The following CLIC3 variants were observed in gnomAD, a reference collection of about 807,000 sequenced individuals.
CLIC3 encodes the protein chloride intracellular channel protein 3.
CLIC3 carries 29 observed loss-of-function variants against 19.9 expected under a neutral mutation model. That is an observed-to-expected ratio of 1.46 (90% CI 1.09 to 1.99). CLIC3 has a LOEUF of 1.99. Among genes scored for constraint, CLIC3 ranks in the 30% most tolerant of loss-of-function variants. CLIC3 has a pLI of 0.00. For synonymous variants in CLIC3, 143 were observed against 156.4 expected (o/e 0.91, Z 0.64); for missense variants, 365 against 342.6 (o/e 1.07, Z -0.52).
intron 5 of CLIC3, 24 bp downstream of exon 5, chr9:136,994,906 C>T: frequency 2.0e-6 from 3 of 1,473,030 alleles, no homozygotes; most frequent in South Asian, 2.7e-5. Flanking sequence ...GTCACCCTCC[C>T]GCCCGCCCAC....
At chr9:136,995,932 G>C (rs1830698950) in intron 1 of CLIC3, among the ~76,000 whole-genome samples, 175 bp from the exon 2 acceptor site, 1 of 152,214 alleles carries the variant, frequency 6.6e-6, no homozygotes, top group African/African-American at 2.4e-5. Flanking sequence ...TTGGTCCCCA[G>C]AACGTGGGGA....
Position 136,995,773 on chromosome 9 carries a change from G to C in CLIC3, c.34-16C>G, listed in dbSNP as rs368301000. The stretch of plus-strand genomic sequence containing the variant: ...CCTCACTCGCCTGGGTGGGTGGAGC[G>C]GGGGTGGGGGGTCAGGGCTGGAAGC... On this transcript the variant is annotated splice_polypyrimidine_tract_variant and intron_variant, in intron 1 of 5. Transcript: ENST00000494426. 2.0e-6 allele frequency: 3 copies of C among 1,499,026 alleles called. No homozygotes were observed. Among genetic ancestry groups the C allele is most frequent in the Non-Finnish European group, 2.7e-6 (3 of 1,106,104 alleles). The allele number at this position is 1,499,026 out of a possible 1,614,324, so 92.9% of individuals were successfully genotyped here.
In CLIC3 at chr9:136,996,421, G is replaced by T. The variant is rs545096923; in HGVS notation, c.33+90C>A. On this transcript the variant is annotated intron_variant, in intron 1 of 5. Transcript: ENST00000494426. ...CAGGAAGGGGCTCAGACATTACTGG[G>T]AGGCCCACCCCACAGCCTGCCACAG... 2.2e-5 allele frequency: 27 copies of T among 1,221,996 alleles called. No homozygotes were observed. The African/African-American group carries it at 3.6e-4, about 16-fold the overall frequency. 75.7% of individuals were successfully genotyped at this position (1,221,996 alleles called of 1,614,324 possible). A position where few individuals can be genotyped will look rare whatever the true frequency, so the allele number is the denominator to read the frequency against.
chr9:136,994,782 G>A lies in CLIC3; in HGVS notation c.610C>T (p.Arg204Cys), dbSNP rs900063658. ...PIPAELRGVRRYLDSAMQEKE... is the reference protein window; with the variant it reads ...PIPAELRGVRCYLDSAMQEKE... ...TCCTGCATCGCGCTGTCCAGGTAGC[G>A]GCGTACGCCGCGCAGCTCCGCGGGG... Residue 204 changes from arginine (R) to cysteine (C), a missense_variant, in exon 6 of 6, where the codon CGC (arginine) becomes TGC (cysteine). Transcript: ENST00000494426. 6.3e-7 allele frequency: 1 copy of A among 1,596,288 alleles called. No individual in the cohort carries two copies. The highest frequency in any genetic ancestry group is 1.1e-5 in the South Asian group (1 of 88,624).
chr9:136,995,145 G>A, intron 4 of CLIC3, 40 bp from the exon 5 acceptor site: 2 of 1,590,120 alleles, frequency 1.3e-6, no homozygotes, highest in Non-Finnish European at 1.7e-6. Flanking sequence ...GGCCCAGGGC[G>A]CCCTCCCGCC....
rs749223050 is a variant in CLIC3, at chr9:136,996,559, G to A, written c.-16C>T. ...TCTCCGCCATGGTGGGAGCTGCCGC[G>A]GTCAGGCGCGGGTGGGGACCTGGGG... On this transcript the variant is annotated 5_prime_UTR_variant, in exon 1 of 6. Coordinates refer to ENST00000494426, the MANE Select transcript of CLIC3 (RefSeq NM_004669.3). 1.4e-5 allele frequency: 21 copies of A among 1,552,122 alleles called. No individual in the cohort carries two copies. The highest frequency in any genetic ancestry group is 3.3e-4 in the Middle Eastern group (2 of 6,006).
chr9:136,995,651 C>G lies in CLIC3; in HGVS notation c.140G>C (p.Arg47Pro), dbSNP rs933344805. ...GGTCCACAGGATGGGGCCTCACCTG[C>G]GCGTGTCCACCGTGGTGAGGGTGAA... ...VPFTLTTVDTRRSPDVLKDFA... is the reference protein window; with the variant it reads ...VPFTLTTVDTPRSPDVLKDFA... The change falls in exon 2 of 6, where the codon CGC (arginine) becomes CCC (proline). Residue 47 changes from arginine to proline, a missense_variant. By Grantham distance (103) the Arg-to-Pro change is moderately radical. Coordinates refer to ENST00000494426, the MANE Select transcript of CLIC3 (RefSeq NM_004669.3). 1.9e-6 allele frequency: 3 copies of G among 1,610,288 alleles called. No homozygotes were observed. The Middle Eastern group carries it at 5.0e-4, about 268-fold the overall frequency.
Position 136,994,846 on chromosome 9 carries a change from G to C in CLIC3, c.553-7C>G. On this transcript the variant is annotated splice_polypyrimidine_tract_variant and splice_region_variant and intron_variant, in intron 5 of 5. Coordinates refer to ENST00000494426, the MANE Select transcript of CLIC3 (RefSeq NM_004669.3). ...GGAAGTGCGCGCACACCGTCTGCGG[G>C]CAGGATCGCGGGGCGCGGTCAGGAC... 1.3e-6 allele frequency: 2 copies of C among 1,543,310 alleles called. No homozygotes were observed. The highest frequency in any genetic ancestry group is 1.7e-6 in the Non-Finnish European group (2 of 1,146,616).
rs1048965874 is a variant in CLIC3 at position 136,995,309 on chromosome 9, TG to T, written c.270-18del. ...CTGGGGAAGCTGCGGGATGAGGGGG[TG>T]GGACTCCATTAGACTGGGGGCAGCC... On this transcript the variant is annotated intron_variant, in intron 3 of 5. Coordinates refer to ENST00000494426, the MANE Select transcript of CLIC3 (RefSeq NM_004669.3). The T allele has an allele frequency of 1.2e-6, 2 of 1,609,490 alleles. No individual in the cohort carries two copies. The highest frequency in any genetic ancestry group is 1.3e-5 in the African/African-American group (1 of 74,666).
rs1588496117 is a variant in CLIC3 at position 136,994,626 on chromosome 9, C to T, written c.*55G>A. 1 of 1,556,742 alleles carries T rather than the reference C, an allele frequency of 6.4e-7. No individual in the cohort carries two copies. The highest frequency in any genetic ancestry group is 1.4e-5 in the African/African-American group (1 of 72,978). ...ACCTCTGGCCCTTCAGATGTCAGGA[C>T]ACCCTCACTCCCGACAAAGATGCCT... On this transcript the variant is annotated 3_prime_UTR_variant, in exon 6 of 6. Coordinates refer to ENST00000494426, the MANE Select transcript of CLIC3 (RefSeq NM_004669.3).
rs749193286 is a variant in CLIC3, at chr9:136,995,024, T to TCCC, written c.455_457dup (p.Gly152dup). ...GCGGCGGGACTCGCGCAGCTGCGGC[T>TCCC]CCCCCGCCAGCTCGTGCTCCAGGGG... On this transcript the variant is annotated inframe_insertion, in exon 5 of 6. Transcript: ENST00000494426. 6.0e-6 allele frequency: 9 copies of TCCC among 1,507,348 alleles called. No individual in the cohort carries two copies. In the Admixed American group the frequency reaches 1.9e-4, roughly 32 times the overall value. 93.4% of individuals were successfully genotyped at this position (1,507,348 alleles called of 1,614,324 possible). A position where few individuals can be genotyped will look rare whatever the true frequency, so the allele number is the denominator to read the frequency against.
At position 136,994,947 on chromosome 9, in the gene CLIC3, T is replaced by TG; in HGVS notation, c.534dup (p.Lys179GlnfsTer69). 2 of 1,491,578 alleles carry TG rather than the reference T, an allele frequency of 1.3e-6. No homozygotes were observed. Among genetic ancestry groups the TG allele is most frequent in the Non-Finnish European group, 1.8e-6 (2 of 1,127,184 alleles). The allele number at this position is 1,491,578 out of a possible 1,614,324, so 92.4% of individuals were successfully genotyped here. A position where few individuals can be genotyped will look rare whatever the true frequency, so the allele number is the denominator to read the frequency against. On this transcript the variant is annotated frameshift_variant, in exon 5 of 6. Transcript: ENST00000494426. LOFTEE classifies it low-confidence loss of function (END_TRUNC). Reference sequence around the variant, plus strand: ...GTGCTCACGTCGACGATGTGCAGCTTGGGCAGGAGGCTGCAGTCGGCCAGC... The same window carrying TG: ...GTGCTCACGTCGACGATGTGCAGCTTGGGGCAGGAGGCTGCAGTCGGCCAGC...
In CLIC3 at chr9:136,994,743, A is replaced by G. The variant is rs1461353173; in HGVS notation, c.649T>C (p.Tyr217His). The G allele has an allele frequency of 1.5e-5, 24 of 1,609,340 alleles. No individual in the cohort carries two copies. Among genetic ancestry groups the G allele is most frequent in the Non-Finnish European group, 2.0e-5 (24 of 1,178,618 alleles). ...DSAMQEKEFK[Y>H]TCPHSAEILA... ...ATCTCGGCGCTGTGCGGACACGTGT[A>G]TTTGAACTCTTTCTCCTGCATCGCG... is the stretch of plus-strand genomic sequence containing the variant. The change falls in exon 6 of 6, where the codon TAC (tyrosine) becomes CAC (histidine). Residue 217 changes from tyrosine (Y) to histidine (H), a missense_variant. Transcript: ENST00000494426.
In CLIC3 at chr9:136,994,676, G is replaced by A; in HGVS notation, c.*5C>T. The A allele has an allele frequency of 6.2e-7, 1 of 1,604,940 alleles. No individual in the cohort carries two copies. On this transcript the variant is annotated 3_prime_UTR_variant, in exon 6 of 6. Transcript: ENST00000494426. ...TTTATTGGGCGACAGACGCGGGGTGGGGCGCTAGCGGGGGTGCACGGCGGG... is the reference window on the plus strand; with the variant it reads ...TTTATTGGGCGACAGACGCGGGGTGAGGCGCTAGCGGGGGTGCACGGCGGG...
At position 136,995,685 on chromosome 9, in the gene CLIC3, C is replaced by T. The variant is rs768327294; in HGVS notation, c.106G>A (p.Gly36Ser). 84 of 1,609,160 alleles carry T rather than the reference C, an allele frequency of 5.2e-5. No homozygotes were observed. The highest frequency in any genetic ancestry group is 1.6e-4 in the East Asian group (7 of 44,738). Reference protein sequence around the residue: ...QRLFMVLLLKGVPFTLTTVDT... With the variant: ...QRLFMVLLLKSVPFTLTTVDT... Reference sequence around the variant, plus strand: ...ACCGTGGTGAGGGTGAAAGGTACGCCCTTGAGGAGCAGGACCATGAAGAGC... The same window carrying T: ...ACCGTGGTGAGGGTGAAAGGTACGCTCTTGAGGAGCAGGACCATGAAGAGC... The change falls in exon 2 of 6, where the codon GGC (glycine) becomes AGC (serine). Residue 36 changes from glycine (G) to serine (S), a missense_variant. By Grantham distance (56) the Gly-to-Ser change is moderately conservative. Transcript: ENST00000494426.
Position 136,996,498 on chromosome 9 carries a change from G to A in CLIC3, c.33+13C>T, listed in dbSNP as rs1588498036. ...TCCCAGACACCCTCCCCGCAGCTGAGTCCGCCCTGCACCTTGACAAACAGC... is the reference window on the plus strand; with the variant it reads ...TCCCAGACACCCTCCCCGCAGCTGAATCCGCCCTGCACCTTGACAAACAGC... On this transcript the variant is annotated intron_variant, in intron 1 of 5. Coordinates refer to ENST00000494426, the MANE Select transcript of CLIC3 (RefSeq NM_004669.3). 1 of 1,554,142 alleles carries A rather than the reference G, an allele frequency of 6.4e-7. No homozygotes were observed. The highest frequency in any genetic ancestry group is 2.4e-5 in the East Asian group (1 of 41,568).
intron 3 of CLIC3, 40 bp downstream of exon 3, chr9:136,995,402 G>GC (rs979483084): frequency 1.2e-5 from 19 of 1,610,850 alleles, no homozygotes; most frequent in Non-Finnish European, 1.5e-5. Context: ...TCCTCCCTGG[G>GC]CCCCCCTCTT....
In CLIC3 at chr9:136,995,446, G is replaced by A. The variant is rs750318826; in HGVS notation, c.265C>T (p.Pro89Ser). 5.0e-6 allele frequency: 8 copies of A among 1,612,172 alleles called. No individual in the cohort carries two copies. The South Asian group carries it at 7.7e-5, about 15-fold the overall frequency. ...EDFLEETLGP[P>S]DFPSLAPRYR... ...CCACCCTGCCGGGGCTCTCACTCGG[G>A]CGGCCCCAGCGTCTCCTCCAGAAAG... The change falls in exon 3 of 6, where the codon CCC (proline) becomes TCC (serine). Residue 89 changes from proline to serine, a missense_variant. Coordinates refer to ENST00000494426, the MANE Select transcript of CLIC3 (RefSeq NM_004669.3).
rs1183709118 is a variant in CLIC3 at position 136,994,756 on chromosome 9, C to G, written c.636G>C (p.Glu212Asp). 2.5e-6 allele frequency: 4 copies of G among 1,606,562 alleles called. No homozygotes were observed. The African/African-American group carries it at 5.3e-5, about 21-fold the overall frequency. ...GCGGACACGTGTATTTGAACTCTTT[C>G]TCCTGCATCGCGCTGTCCAGGTAGC... ...VRRYLDSAMQ[E>D]KEFKYTCPHS... Residue 212 changes from glutamate (E) to aspartate (D), a missense_variant, in exon 6 of 6, where the codon GAG (glutamate) becomes GAC (aspartate). Glu to Asp is a conservative substitution (Grantham distance 45). Coordinates refer to ENST00000494426, the MANE Select transcript of CLIC3 (RefSeq NM_004669.3).
Sources: allele counts gnomAD v4.1 joint callset (sites outside exome capture counted in the v4.1 genomes callset), GRCh38; gene constraint gnomAD v4.1.1; transcripts MANE v1.5; gene names NCBI Gene and HGNC (gene_info 2026-07-23, HGNC 2026-07-21).